PIK3R3: variants seen among roughly 807,000 people sequenced by gnomAD.
The protein encoded by PIK3R3 is phosphoinositide-3-kinase regulatory subunit 3, also known as phosphatidylinositol 3-kinase regulatory subunit gamma.
PIK3R3 carries 64 observed loss-of-function variants against 62.9 expected under a neutral mutation model. That is an observed-to-expected ratio of 1.02 (90% CI 0.83 to 1.25). The LOEUF (loss-of-function observed/expected upper bound fraction) is 1.25. Ranked by LOEUF, PIK3R3 falls within the 50% of genes most tolerant of loss-of-function variation. PIK3R3 has a pLI of 0.00. For missense variants in PIK3R3, 614 were observed against 561.6 expected (o/e 1.09, Z -0.94); for synonymous variants, 165 against 189.0 (o/e 0.87, Z 1.04).
In PIK3R3 at chr1:46,102,748, A is replaced by C. The variant is rs546324319; in HGVS notation, c.107-21998T>G. ...AAACAGTATGGAGGTTCCTCAAAAA[A>C]AATTTTTAAAATACCATATGATCCA... On this transcript the variant is annotated intron_variant, in intron 1 of 9. Transcript: ENST00000262741. Among the ~76,000 whole-genome samples the C allele has an allele frequency of 1.1e-4, 17 of 151,642 alleles. No individual in the cohort carries two copies. In the South Asian group the frequency reaches 3.3e-3, roughly 30 times the overall value.
chr1:46,131,888 T>C lies in PIK3R3; in HGVS notation c.65A>G (p.Tyr22Cys), dbSNP rs768159370. Reference sequence around the variant, plus strand: ...AATATAAAATATCAGTTCTGTCGAATAGGGCATCATCACCTCCCTCCAGTC... The same window carrying C: ...AATATAAAATATCAGTTCTGTCGAACAGGGCATCATCACCTCCCTCCAGTC... ...DADWREVMMP[Y>C]STELIFYIEM... The change falls in exon 1 of 10, where the codon TAT becomes TGT. Residue 22 changes from tyrosine (Y) to cysteine (C), a missense_variant. Coordinates refer to ENST00000262741, the MANE Select transcript of PIK3R3 (RefSeq NM_003629.4). 1.6e-4 allele frequency: 255 copies of C among 1,613,190 alleles called. No individual in the cohort carries two copies. Among genetic ancestry groups the C allele is most frequent in the Non-Finnish European group, 2.0e-4 (233 of 1,179,458 alleles).
chr1:46,096,488 C>T (rs1166688862), intron 1 of PIK3R3, among the ~76,000 whole-genome samples: 1 of 152,200 alleles, frequency 6.6e-6, no homozygotes. Context: ...TGCTGGGTGC[C>T]ACAAGTCATT....
chr1:46,164,484 G>A, the PIK3R3 span, among the ~76,000 whole-genome samples: 23 of 152,258 alleles, frequency 1.5e-4, no homozygotes, highest in African/African-American at 5.3e-4. Context: ...CTTATCTCCT[G>A]CTTCTGCTGA....
intron 3 of PIK3R3, among the ~76,000 whole-genome samples, chr1:46,072,276 C>A (rs894738254): frequency 6.6e-6 from 1 of 152,214 alleles, no homozygotes; most frequent in Non-Finnish European, 1.5e-5. Context: ...AGATACCCTG[C>A]AGAGTAATTA....
Position 46,102,803 on chromosome 1 carries a change from TAAAAAAAAAAAA to T in PIK3R3, c.107-22065_107-22054del, listed in dbSNP as rs33975572. On this transcript the variant is annotated intron_variant, in intron 1 of 9. Coordinates refer to ENST00000262741, the MANE Select transcript of PIK3R3 (RefSeq NM_003629.4). ...TCCTTCTTATTCTGGGTATATATCT[TAAAAAAAAAAAA>T]AAAAAAAAAAAAAAAACCTGAAAGC... Among the ~76,000 whole-genome samples, 239 of 55,782 alleles carry T rather than the reference TAAAAAAAAAAAA, an allele frequency of 4.3e-3. 2 individuals carry two copies. The highest frequency in any genetic ancestry group is 0.018 in the African/African-American group (217 of 12,280). 36.6% of individuals were successfully genotyped at this position (55,782 alleles called of 152,430 possible). A position where few individuals can be genotyped will look rare whatever the true frequency, so the allele number is the denominator to read the frequency against.
At chr1:46,168,173 A>T in the PIK3R3 span, among the ~76,000 whole-genome samples, 8 of 152,172 alleles carry the variant, frequency 5.3e-5, no homozygotes, top group African/African-American at 1.2e-4. Flanking sequence ...TAATTAAATT[A>T]AATTAAATTT....
the PIK3R3 span, among the ~76,000 whole-genome samples, chr1:46,160,009 C>A: frequency 4.0e-4 from 61 of 152,234 alleles, 1 homozygote; most frequent in African/African-American, 1.4e-3. Flanking sequence ...TTATTCAAAT[C>A]ATGTAGCTCT....
At chr1:46,152,749 G>C in the PIK3R3 span, among the ~76,000 whole-genome samples, 1 of 151,962 alleles carries the variant, frequency 6.6e-6, no homozygotes, top group Non-Finnish European at 1.5e-5. Flanking sequence ...ATTTTTAGTG[G>C]AGATGGGGTT....
At chr1:46,158,222 AG>A in the PIK3R3 span, among the ~76,000 whole-genome samples, 1 of 152,202 alleles carries the variant, frequency 6.6e-6, no homozygotes, top group Non-Finnish European at 1.5e-5. Flanking sequence ...CCTGTCTAAA[AG>A]TGTCCAATGG....
At chr1:46,114,964 G>GT (rs375613126) in intron 1 of PIK3R3, among the ~76,000 whole-genome samples, 1 of 151,888 alleles carries the variant, frequency 6.6e-6, no homozygotes, top group Admixed American at 6.6e-5. Flanking sequence ...GCACACTCAA[G>GT]TTTAAAAGCC....
At chr1:46,072,962 T>A (rs1032887833) in intron 3 of PIK3R3, among the ~76,000 whole-genome samples, 147 of 148,848 alleles carry the variant, frequency 9.9e-4, no homozygotes, top group African/African-American at 2.7e-3. Context: ...TAAATAAATA[T>A]ATATATATAT....
intron 7 of PIK3R3, among the ~76,000 whole-genome samples, chr1:46,054,719 A>C (rs1647707746): frequency 6.6e-6 from 1 of 152,186 alleles, no homozygotes; most frequent in African/African-American, 2.4e-5. Context: ...TATGTTTCTA[A>C]AAATATAATT....
intron 1 of PIK3R3, among the ~76,000 whole-genome samples, chr1:46,091,743 C>T (rs1339654496): frequency 1.3e-5 from 2 of 152,090 alleles, no homozygotes; most frequent in Admixed American, 6.6e-5. Context: ...AGGATTGCTT[C>T]CAGGACCCCT....
intron 1 of PIK3R3, among the ~76,000 whole-genome samples, chr1:46,106,596 T>C (rs908725955): frequency 1.3e-5 from 2 of 152,200 alleles, no homozygotes; most frequent in Non-Finnish European, 2.9e-5. Context: ...GATGGATAGA[T>C]ACATTATATT....
chr1:46,132,973 AGGCGAGGAGGGAGTGG>A, upstream of PIK3R3: 1 of 1,101,394 alleles, frequency 9.1e-7, no homozygotes, highest in Non-Finnish European at 1.1e-6. Flanking sequence ...CACGCGAGCC[AGGCGAGGAGGGAGTGG>A]GGCGAGGGAA....
chr1:46,144,784 G>C, the PIK3R3 span, among the ~76,000 whole-genome samples: 122,861 of 148,500 alleles, frequency 0.83, 50,992 homozygotes, highest in Non-Finnish European at 0.87. Context: ...AAAAAAAAAC[G>C]ACTCAATTCT....
At chr1:46,047,591 G>A (rs1007790051) in intron 7 of PIK3R3, among the ~76,000 whole-genome samples, 1 of 152,034 alleles carries the variant, frequency 6.6e-6, no homozygotes, top group Non-Finnish European at 1.5e-5. Context: ...AAGCATCTTC[G>A]TTCATCATTA....
intron 1 of PIK3R3, among the ~76,000 whole-genome samples, chr1:46,092,960 G>A (rs1344120277): frequency 6.6e-6 from 1 of 152,100 alleles, no homozygotes; most frequent in Admixed American, 6.5e-5. Flanking sequence ...GAGGGAAAAA[G>A]TTACATCATC....
intron 5 of PIK3R3, among the ~76,000 whole-genome samples, chr1:46,063,239 G>C (rs1013660427): frequency 6.6e-6 from 1 of 152,204 alleles, no homozygotes; most frequent in Admixed American, 6.5e-5. Flanking sequence ...CTGCACAAAG[G>C]AGGCATGGTA....
Sources: gnomAD v4.1 joint callset for allele counts (sites outside exome capture counted in the v4.1 genomes callset) on GRCh38, gnomAD v4.1.1 for gene constraint, MANE v1.5 for transcripts, NCBI Gene and HGNC (gene_info 2026-07-23, HGNC 2026-07-21) for gene names.